PIK3R5: variants seen among roughly 807,000 people sequenced by gnomAD.
PIK3R5 encodes phosphoinositide 3-kinase regulatory subunit 5.
A neutral mutation model predicts 94.9 loss-of-function variants in PIK3R5; 32 were observed. That is an observed-to-expected ratio of 0.34 (90% CI 0.25 to 0.45). PIK3R5 has a LOEUF of 0.45. Among genes scored for constraint, PIK3R5 ranks in the 20% least tolerant of loss-of-function variants. PIK3R5 has a pLI of 1.00. For synonymous variants in PIK3R5, 443 were observed against 479.4 expected (o/e 0.92, Z 0.99); for missense variants, 853 against 1,144.6 (o/e 0.75, Z 3.68).
chr17:8,898,564 A>G (rs1013826372), intron 5 of PIK3R5, among the ~76,000 whole-genome samples: 2 of 152,206 alleles, frequency 1.3e-5, no homozygotes. Flanking sequence ...AGTTACATAA[A>G]TGTCGAGCCT....
Position 8,911,720 on chromosome 17 carries a change from C to T in PIK3R5, c.-13-213G>A. On this transcript the variant is annotated intron_variant, in intron 1 of 18. Transcript: ENST00000447110. The surrounding 1 kb of genome is among the most constrained non-coding windows in gnomAD (Gnocchi z 5.3). ...CATCTGAGTGGCAGGACAGAGCACCCCTGCAGCAGAACGGGACAGAGGTGT... is the reference window on the plus strand; with the variant it reads ...CATCTGAGTGGCAGGACAGAGCACCTCTGCAGCAGAACGGGACAGAGGTGT... 1.9e-6 allele frequency: 1 copy of T among 524,590 alleles called. No individual in the cohort carries two copies. The highest frequency in any genetic ancestry group is 2.2e-5 in the South Asian group (1 of 45,344). The allele number at this position is 524,590 out of a possible 1,614,324, so 32.5% of individuals were successfully genotyped here.
intron 1 of PIK3R5, among the ~76,000 whole-genome samples, chr17:8,943,176 A>C (rs1023011956): frequency 4.6e-5 from 7 of 151,586 alleles, no homozygotes; most frequent in African/African-American, 1.7e-4. Context: ...CCAGGCTCAA[A>C]TAATCCTCCC....
At chr17:8,946,125 G>A (rs916910227) in intron 1 of PIK3R5, among the ~76,000 whole-genome samples, 3 of 151,802 alleles carry the variant, frequency 2.0e-5, no homozygotes, top group Admixed American at 1.3e-4. Flanking sequence ...TAAAACCGTT[G>A]CAATCTTACA....
chr17:8,905,623 TC>T, intron 4 of PIK3R5, 45 bp downstream of exon 4: 1 of 1,452,554 alleles, frequency 6.9e-7, no homozygotes, highest in Non-Finnish European at 9.4e-7. Context: ...AGGTCGCTCC[TC>T]CCCCTCCTCC....
chr17:8,885,715 A>C (rs1243393336), intron 14 of PIK3R5, among the ~76,000 whole-genome samples: 2 of 5,134 alleles, frequency 3.9e-4, no homozygotes, highest in African/African-American at 8.4e-4. Flanking sequence ...CCATGGCCCC[A>C]CCTCCTGGGT....
At chr17:8,923,070 C>T (rs936490020) in intron 1 of PIK3R5, among the ~76,000 whole-genome samples, 6 of 152,086 alleles carry the variant, frequency 3.9e-5, no homozygotes, top group African/African-American at 1.4e-4. Flanking sequence ...AAGATGCTAA[C>T]GTGTACACAG....
chr17:8,880,750 G>A lies in PIK3R5; in HGVS notation c.2532C>T (p.Ser844=), dbSNP rs773429546. The part of the protein sequence containing the change: ...EVSPCYKPEK[S]DLSSPPQTPP... ...GCGTCTGGGGTGGTGAGGAGAGGTC[G>A]CTCTTCTCTGGCTTGTAGCACGGTG... Residue 844 remains serine (S), a synonymous_variant, in exon 19 of 19, where the codon AGC becomes AGT. Coordinates refer to ENST00000447110, the MANE Select transcript of PIK3R5 (RefSeq NM_001142633.3). The A allele has an allele frequency of 6.8e-6, 11 of 1,613,698 alleles. No individual in the cohort carries two copies. Among genetic ancestry groups the A allele is most frequent in the South Asian group, 2.2e-5 (2 of 91,046 alleles).
At chr17:8,891,723 A>G (rs1004048694) in intron 6 of PIK3R5, among the ~76,000 whole-genome samples, 15 of 151,060 alleles carry the variant, frequency 9.9e-5, no homozygotes, top group African/African-American at 3.2e-4. Flanking sequence ...CAGCCTCCCA[A>G]ATAGCTGGGA....
intron 6 of PIK3R5, 134 bp from the exon 7 acceptor site, chr17:8,891,046 G>C: frequency 1.3e-6 from 1 of 788,060 alleles, no homozygotes; most frequent in Non-Finnish European, 2.0e-6. Flanking sequence ...AGCTCGAGGA[G>C]GTGACCACAG....
At chr17:8,929,943 G>A (rs1380955361) in intron 1 of PIK3R5, among the ~76,000 whole-genome samples, 1 of 152,104 alleles carries the variant, frequency 6.6e-6, no homozygotes, top group Non-Finnish European at 1.5e-5. Flanking sequence ...AAAACCACCT[G>A]TACCCCAAAA....
intron 3 of PIK3R5, among the ~76,000 whole-genome samples, chr17:8,907,987 G>A (rs938373709): frequency 6.6e-6 from 1 of 152,114 alleles, no homozygotes; most frequent in African/African-American, 2.4e-5. Flanking sequence ...GTCTCATTAT[G>A]GTTTTAATTT....
At chr17:8,934,574 A>G (rs2091040402) in intron 1 of PIK3R5, among the ~76,000 whole-genome samples, 1 of 152,240 alleles carries the variant, frequency 6.6e-6, no homozygotes, top group African/African-American at 2.4e-5. Flanking sequence ...CCTTCGGTAT[A>G]TGGAAATACC....
At chr17:8,956,764 T>C (rs2091472894) in intron 1 of PIK3R5, among the ~76,000 whole-genome samples, 1 of 152,158 alleles carries the variant, frequency 6.6e-6, no homozygotes, top group South Asian at 2.1e-4. Flanking sequence ...AGGACATCAA[T>C]TCCCAGCTCA....
At chr17:8,924,395 T>A (rs2090825313) in intron 1 of PIK3R5, among the ~76,000 whole-genome samples, 1 of 152,014 alleles carries the variant, frequency 6.6e-6, no homozygotes, top group Non-Finnish European at 1.5e-5. Flanking sequence ...CTGCTCACTT[T>A]CTACAGGTAG....
chr17:8,940,973 T>C (rs147442623), intron 1 of PIK3R5, among the ~76,000 whole-genome samples: 320 of 152,186 alleles, frequency 2.1e-3, no homozygotes, highest in Admixed American at 4.4e-3. Context: ...TCCCCGCTCC[T>C]CTCTCAGCCT....
chr17:8,921,366 G>A (rs1380158310), intron 1 of PIK3R5, among the ~76,000 whole-genome samples: 1 of 152,158 alleles, frequency 6.6e-6, no homozygotes, highest in African/African-American at 2.4e-5. Context: ...GGACAGATAT[G>A]TGGGTGAGGT....
At chr17:8,957,115 G>A (rs1197199070) in intron 1 of PIK3R5, among the ~76,000 whole-genome samples, 1 of 152,140 alleles carries the variant, frequency 6.6e-6, no homozygotes, top group Non-Finnish European at 1.5e-5. Context: ...AACAACCAGC[G>A]TTTACACAAC....
chr17:8,957,143 C>T (rs79117431), intron 1 of PIK3R5, among the ~76,000 whole-genome samples: 4,117 of 152,268 alleles, frequency 0.027, 57 homozygotes, highest in Middle Eastern at 0.068. Flanking sequence ...ACATGGCCAC[C>T]ATGATTTAGA....
intron 1 of PIK3R5, among the ~76,000 whole-genome samples, chr17:8,952,692 G>A (rs918000493): frequency 2.6e-5 from 4 of 152,266 alleles, no homozygotes; most frequent in East Asian, 3.9e-4. Context: ...AATAAATTAT[G>A]GGCATTATTA....
Sources: allele counts gnomAD v4.1 joint callset (sites outside exome capture counted in the v4.1 genomes callset), GRCh38; gene constraint gnomAD v4.1.1; non-coding constraint Gnocchi (gnomAD v3.1); transcripts MANE v1.5; gene names NCBI Gene and HGNC (gene_info 2026-07-23, HGNC 2026-07-21).